CDH2: variants seen among roughly 807,000 people sequenced by gnomAD.
CDH2 encodes cadherin 2.
CDH2 carries 17 observed loss-of-function variants against 92.0 expected under a neutral mutation model. The observed-to-expected ratio is 0.18, with a 90% CI of 0.13 to 0.28. The LOEUF (loss-of-function observed/expected upper bound fraction) is 0.28. CDH2 is among the 10% of genes least tolerant of loss of function. The probability of loss-of-function intolerance (pLI) is 1.00; values close to 1 mark genes in which losing one functional copy is unlikely to be tolerated. For missense variants in CDH2, 862 were observed against 1,133.1 expected, an observed-to-expected ratio of 0.76 and a Z score of 3.44; for synonymous variants, 419 against 415.9, an observed-to-expected ratio of 1.01 and a Z score of -0.09.
chr18:28,121,649 C>T (rs1218364446), intron 2 of CDH2, among the ~76,000 whole-genome samples: 4 of 152,064 alleles, frequency 2.6e-5, no homozygotes, highest in Non-Finnish European at 4.4e-5. Flanking sequence ...CAATTCAACA[C>T]TCATCTACTA....
At chr18:27,956,800 A>C (rs1486612726) in intron 15 of CDH2, among the ~76,000 whole-genome samples, 1 of 152,204 alleles carries the variant, frequency 6.6e-6, no homozygotes, top group African/African-American at 2.4e-5. Flanking sequence ...TTATTTAAGA[A>C]AATTAACTTA....
chr18:28,015,380 T>C (rs1322251120), intron 2 of CDH2, among the ~76,000 whole-genome samples: 3 of 152,204 alleles, frequency 2.0e-5, no homozygotes, highest in Non-Finnish European at 4.4e-5. Context: ...AATGTTTGTC[T>C]TTGGAGTAGA....
chr18:28,028,943 AC>A (rs2013625889), intron 2 of CDH2, among the ~76,000 whole-genome samples: 1 of 152,162 alleles, frequency 6.6e-6, no homozygotes, highest in Non-Finnish European at 1.5e-5. Context: ...GAATTTAAGT[AC>A]TAAAAACAAT....
chr18:27,995,485 A>T (rs1172167446), intron 7 of CDH2, among the ~76,000 whole-genome samples: 1 of 152,192 alleles, frequency 6.6e-6, no homozygotes, highest in Non-Finnish European at 1.5e-5. Flanking sequence ...AAAAACTTTT[A>T]TGACTTTTGA....
rs202149391 is a variant in CDH2 at position 27,985,168 on chromosome 18, T to C, written c.2041A>G (p.Ile681Val). 1 of 1,613,790 alleles carries C rather than the reference T, an allele frequency of 6.2e-7. No individual in the cohort carries two copies. The highest frequency in any genetic ancestry group is 8.5e-7 in the Non-Finnish European group (1 of 1,179,788). The change falls in exon 13 of 16, where the codon ATA becomes GTA. Residue 681 changes from isoleucine (I) to valine (V), a missense_variant. Transcript: ENST00000269141. The stretch of plus-strand genomic sequence containing the variant: ...GGAGGATTACCCGAATCTGTGATTA[T>C]GATGGGAACTTCATAGATACCAGCT... ...LEAGIYEVPI[I>V]ITDSGNPPKS...
chr18:28,126,667 T>A (rs762375568), intron 2 of CDH2, among the ~76,000 whole-genome samples: 1 of 152,184 alleles, frequency 6.6e-6, no homozygotes, highest in Non-Finnish European at 1.5e-5. Context: ...TTGCTCCAAT[T>A]TTCTATTAAA....
intron 9 of CDH2, among the ~76,000 whole-genome samples, chr18:27,992,058 C>T (rs757904281): frequency 3.3e-5 from 5 of 152,116 alleles, no homozygotes; most frequent in African/African-American, 9.7e-5. Flanking sequence ...CTTAACGTCT[C>T]GGAAATAGCA....
intron 2 of CDH2, among the ~76,000 whole-genome samples, chr18:28,046,083 C>T (rs2014069322): frequency 6.6e-6 from 1 of 152,094 alleles, no homozygotes; most frequent in Admixed American, 6.5e-5. Context: ...TGCATCATTC[C>T]AAAGGGGGCT....
At chr18:28,134,625 G>A (rs919690830) in intron 2 of CDH2, among the ~76,000 whole-genome samples, 7 of 152,072 alleles carry the variant, frequency 4.6e-5, no homozygotes, top group African/African-American at 7.2e-5. Flanking sequence ...ATGAGAGAAC[G>A]GAATGAGCCC....
At chr18:28,112,301 T>C (rs973359121) in intron 2 of CDH2, among the ~76,000 whole-genome samples, 2 of 152,158 alleles carry the variant, frequency 1.3e-5, no homozygotes, top group African/African-American at 4.8e-5. Flanking sequence ...AATAAAACCT[T>C]CTGACTTGCT....
At chr18:28,166,151 T>TATATATATATATATATATAC (rs1568024377) in intron 1 of CDH2, among the ~76,000 whole-genome samples, 1 of 130,604 alleles carries the variant, frequency 7.7e-6, no homozygotes, top group Non-Finnish European at 1.6e-5. Flanking sequence ...GACACACTCA[T>TATATATATATATATATATAC]ATATATATAT....
chr18:28,087,921 C>A (rs766983557), intron 2 of CDH2, among the ~76,000 whole-genome samples: 3 of 152,142 alleles, frequency 2.0e-5, no homozygotes, highest in African/African-American at 4.8e-5. Context: ...TACAGATACT[C>A]GGTTTTTTAC....
chr18:28,134,462 C>T (rs2015828421), intron 2 of CDH2, among the ~76,000 whole-genome samples: 2 of 152,080 alleles, frequency 1.3e-5, no homozygotes, highest in Non-Finnish European at 2.9e-5. Context: ...GTAATCCCCG[C>T]ACTTGGGGAG....
At chr18:28,166,828 C>T (rs1170410173) in intron 1 of CDH2, among the ~76,000 whole-genome samples, 5 of 152,052 alleles carry the variant, frequency 3.3e-5, no homozygotes, top group Non-Finnish European at 7.4e-5. Context: ...GAAGCCTCTA[C>T]CAACAATCTA....
chr18:28,020,486 C>T (rs1454965222), intron 2 of CDH2, among the ~76,000 whole-genome samples: 2 of 151,888 alleles, frequency 1.3e-5, no homozygotes, highest in Non-Finnish European at 2.9e-5. Context: ...GGACATTTGA[C>T]TGCTGTAAGG....
intron 2 of CDH2, among the ~76,000 whole-genome samples, chr18:28,025,849 ATTATT>A (rs1397440047): frequency 2.0e-5 from 3 of 152,238 alleles, no homozygotes; most frequent in African/African-American, 2.4e-5. Context: ...CCCTTCAAAT[ATTATT>A]TTAACTGTTG....
At chr18:27,958,979 C>T (rs971369142) in intron 15 of CDH2, among the ~76,000 whole-genome samples, 3 of 152,158 alleles carry the variant, frequency 2.0e-5, no homozygotes, top group Non-Finnish European at 4.4e-5. Flanking sequence ...GTTGATTAAA[C>T]CTCTTTCCTT....
intron 15 of CDH2, among the ~76,000 whole-genome samples, chr18:27,955,404 G>A (rs1598985093): frequency 7.4e-6 from 1 of 135,684 alleles, no homozygotes; most frequent in Admixed American, 7.4e-5. Context: ...AAGAAAAAGA[G>A]AATGACAAGT....
intron 2 of CDH2, among the ~76,000 whole-genome samples, chr18:28,086,369 C>T (rs574175108): frequency 6.6e-5 from 10 of 152,120 alleles, no homozygotes; most frequent in Non-Finnish European, 1.2e-4. Context: ...GTAAATCTCT[C>T]GGTCAAACTT....
Sources: allele counts gnomAD v4.1 joint callset (sites outside exome capture counted in the v4.1 genomes callset), GRCh38; gene constraint gnomAD v4.1.1; transcripts MANE v1.5; gene names NCBI Gene and HGNC (gene_info 2026-07-23, HGNC 2026-07-21).